The following PIEZO2 variants were observed in gnomAD, a reference collection of about 807,000 sequenced individuals.
PIEZO2 encodes piezo-type mechanosensitive ion channel component 2.
In PIEZO2, 172 loss-of-function variants were observed where a neutral mutation model predicts 337.3. The observed-to-expected ratio is 0.51, with a 90% CI of 0.45 to 0.58. The LOEUF is 0.58. PIEZO2 is among the 20% of genes least tolerant of loss of function. The pLI is 0.00. For missense variants in PIEZO2, 3,028 were observed against 3,391.3 expected, an observed-to-expected ratio of 0.89 and a Z score of 2.66; for synonymous variants, 1,251 against 1,228.5, an observed-to-expected ratio of 1.02 and a Z score of -0.38.
intron 7 of PIEZO2, among the ~76,000 whole-genome samples, chr18:10,839,009 TTACA>T (rs2041108332): frequency 6.6e-6 from 1 of 152,234 alleles, no homozygotes; most frequent in Admixed American, 6.5e-5. Context: ...TTTTAAAGTC[TTACA>T]TAGTCAATAA....
rs2038183747 is a variant in PIEZO2, at chr18:10,762,614, A to G, written c.3135T>C (p.Asn1045=). ...ACTCATTAAAGGGGATGTTTGTTTG[A>G]TTTTCATTTGGCTAAAAAGAAGAGA... is the stretch of plus-strand genomic sequence containing the variant. ...FSVNCSLPNE[N]QTNIPFNELN... The change falls in exon 23 of 56, where the codon AAT becomes AAC. Residue 1045 remains asparagine (N), a synonymous_variant. Coordinates refer to ENST00000674853, the MANE Select transcript of PIEZO2 (RefSeq NM_001378183.1). 6.5e-7 allele frequency: 1 copy of G among 1,536,642 alleles called. No individual in the cohort carries two copies. The highest frequency in any genetic ancestry group is 2.0e-5 in the Admixed American group (1 of 50,792).
chr18:10,760,832 C>T (rs956138183), intron 24 of PIEZO2, 79 bp downstream of exon 24: 7 of 1,204,392 alleles, frequency 5.8e-6, no homozygotes, highest in Non-Finnish European at 8.1e-6. Context: ...TCACAAAGTT[C>T]CAGTGGCCAA....
rs1376052116 is a variant in PIEZO2 at position 10,672,706 on chromosome 18, A to G, written c.8329T>C (p.Phe2777Leu). ...NDKVSPPSLG[F>L]LAGYGIMGLY... The stretch of plus-strand genomic sequence containing the variant: ...AGTCCTTACCCATAGCCAGCCAGGA[A>G]CCCCAGACTTGGGGGACTGACTTTG... The change falls in exon 55 of 56, where the codon TTC becomes CTC. Residue 2777 changes from phenylalanine to leucine, a missense_variant. Phe to Leu is a conservative substitution (Grantham distance 22). Around this residue, in one of 5 missense-constraint regions of PIEZO2, gnomAD observed 332 missense variants for 363.8 expected, o/e 0.91. Coordinates refer to ENST00000674853, the MANE Select transcript of PIEZO2 (RefSeq NM_001378183.1). The surrounding 1 kb of genome is among the most constrained non-coding windows in gnomAD (Gnocchi z 4.7). The G allele has an allele frequency of 6.2e-7, 1 of 1,613,852 alleles. No homozygotes were observed. Among genetic ancestry groups the G allele is most frequent in the East Asian group, 2.2e-5 (1 of 44,866 alleles).
intron 2 of PIEZO2, among the ~76,000 whole-genome samples, chr18:11,012,227 C>T (rs2035932960): frequency 6.6e-6 from 1 of 152,174 alleles, no homozygotes; most frequent in Non-Finnish European, 1.5e-5. Flanking sequence ...TCCATAAGTG[C>T]TCCATTATGA....
chr18:10,879,256 G>A (rs921979788), intron 4 of PIEZO2, among the ~76,000 whole-genome samples: 3 of 152,156 alleles, frequency 2.0e-5, no homozygotes, highest in Non-Finnish European at 4.4e-5. Flanking sequence ...AGACCAATGT[G>A]TCCATTTTCC....
chr18:11,039,662 A>C (rs1313405093), intron 2 of PIEZO2, among the ~76,000 whole-genome samples: 2 of 152,068 alleles, frequency 1.3e-5, no homozygotes, highest in African/African-American at 2.4e-5. Flanking sequence ...ATTATCCTAT[A>C]TCTTTATTGG....
rs186864661 is a variant in PIEZO2 at position 10,885,552 on chromosome 18, A to G, written c.330-14137T>C. Among the ~76,000 whole-genome samples, 62 of 152,302 alleles carry G rather than the reference A, an allele frequency of 4.1e-4. No homozygotes were observed. In the East Asian group the frequency reaches 7.7e-3, roughly 19 times the overall value. On this transcript the variant is annotated intron_variant, in intron 4 of 55. Coordinates refer to ENST00000674853, the MANE Select transcript of PIEZO2 (RefSeq NM_001378183.1). The stretch of plus-strand genomic sequence containing the variant: ...CAGTCTGAAACAACATGATGTGTCC[A>G]TGGGATTATAAGCAAAATGATTTTG...
At chr18:10,701,681 G>A (rs968570847) in intron 43 of PIEZO2, among the ~76,000 whole-genome samples, 2 of 152,164 alleles carry the variant, frequency 1.3e-5, no homozygotes, top group Non-Finnish European at 2.9e-5. Context: ...TTCAAGCAAT[G>A]TTCCACAAAA....
At chr18:10,845,004 T>C (rs1187591774) in intron 7 of PIEZO2, among the ~76,000 whole-genome samples, 2 of 152,156 alleles carry the variant, frequency 1.3e-5, no homozygotes, top group Non-Finnish European at 2.9e-5. Context: ...TATATTTACA[T>C]GTTATTATAG....
rs986339016 is a variant in PIEZO2, at chr18:10,701,750, A to G, written c.6441+239T>C. 3.4e-4 allele frequency: 126 copies of G among 369,742 alleles called. No homozygotes were observed. In the East Asian group the frequency reaches 5.3e-3, roughly 16 times the overall value. 22.9% of individuals were successfully genotyped at this position (369,742 alleles called of 1,614,324 possible). On this transcript the variant is annotated intron_variant, in intron 43 of 55. Transcript: ENST00000674853. The stretch of plus-strand genomic sequence containing the variant: ...GAAACATGGGGAAACATTCTCCCAG[A>G]TTTATTGTAAGTTCCATTATTTAGC...
rs76014761 is a variant in PIEZO2, at chr18:10,824,235, G to C, written c.918-16961C>G. ...AGGGAATAATTTACGAGAGTAGCAA[G>C]AGACAAGTCTCCATAGTCTGTGGGA... On this transcript the variant is annotated intron_variant, in intron 7 of 55. Coordinates refer to ENST00000674853, the MANE Select transcript of PIEZO2 (RefSeq NM_001378183.1). The surrounding 1 kb of genome is among the most constrained non-coding windows in gnomAD (Gnocchi z 4.4). Among the ~76,000 whole-genome samples, 3,370 of 152,224 alleles carry C rather than the reference G, an allele frequency of 0.022. 104 individuals are homozygous for C. Among genetic ancestry groups the C allele is most frequent in the African/African-American group, 0.076 (3,162 of 41,524 alleles).
intron 1 of PIEZO2, among the ~76,000 whole-genome samples, chr18:11,135,883 A>G (rs182220928): frequency 3.3e-5 from 5 of 152,308 alleles, no homozygotes; most frequent in African/African-American, 4.8e-5. Context: ...ATCAACATAG[A>G]TCCCAGAACT....
chr18:10,886,839 A>G lies in PIEZO2; in HGVS notation c.330-15424T>C, dbSNP rs545072327. ...TGTATTAGGCCTTTCTTGTCTTGCT[A>G]TAAAGGAATACCTGAGATTTAATAA... On this transcript the variant is annotated intron_variant, in intron 4 of 55. Coordinates refer to ENST00000674853, the MANE Select transcript of PIEZO2 (RefSeq NM_001378183.1). Among the ~76,000 whole-genome samples the G allele has an allele frequency of 1.6e-4, 24 of 152,034 alleles. No homozygotes were observed. In the South Asian group the frequency reaches 4.6e-3, roughly 29 times the overall value.
rs534913375 is a variant in PIEZO2 at position 10,903,672 on chromosome 18, CA to C, written c.329+7513del. Among the ~76,000 whole-genome samples the C allele has an allele frequency of 2.6e-4, 37 of 144,772 alleles. No homozygotes were observed. The highest frequency in any genetic ancestry group is 4.3e-4 in the South Asian group (2 of 4,602). 95.0% of individuals were successfully genotyped at this position (144,772 alleles called of 152,430 possible). On this transcript the variant is annotated intron_variant, in intron 4 of 55. Coordinates refer to ENST00000674853, the MANE Select transcript of PIEZO2 (RefSeq NM_001378183.1). This position sits in a 1 kb window ranked among gnomAD's most constrained non-coding sequence, Gnocchi z 4.1. ...TGGGCGACAGAGCAAGACTCCATCT[CA>C]AAAAAAAAAAGATTCAAACTTCTTG...
chr18:10,782,075 T>C (rs916629532), intron 17 of PIEZO2, among the ~76,000 whole-genome samples: 13 of 146,538 alleles, frequency 8.9e-5, no homozygotes, highest in African/African-American at 3.0e-4. Context: ...TAAAAATATA[T>C]ATATATATTT....
At position 11,097,183 on chromosome 18, in the gene PIEZO2, G is replaced by A. The variant is rs1308009036; in HGVS notation, c.65-30961C>T. Among the ~76,000 whole-genome samples, 1 of 151,850 alleles carries A rather than the reference G, an allele frequency of 6.6e-6. No individual in the cohort carries two copies. The highest frequency in any genetic ancestry group is 2.4e-5 in the African/African-American group (1 of 41,314). On this transcript the variant is annotated intron_variant, in intron 1 of 55. Transcript: ENST00000674853. The surrounding 1 kb of genome is among the most constrained non-coding windows in gnomAD (Gnocchi z 5.0). ...GGCTAAATCCCGCCCCACAAACTAA[G>A]AATGCTTTTTATATGTTTAAATGAT...
chr18:10,784,757 A>G lies in PIEZO2; in HGVS notation c.2492+27T>C, dbSNP rs948860173. The G allele has an allele frequency of 2.0e-6, 3 of 1,494,904 alleles. No individual in the cohort carries two copies. The highest frequency in any genetic ancestry group is 2.1e-5 in the Admixed American group (1 of 47,738). The allele number at this position is 1,494,904 out of a possible 1,614,324, so 92.6% of individuals were successfully genotyped here. On this transcript the variant is annotated intron_variant, in intron 17 of 55. Transcript: ENST00000674853. The surrounding 1 kb of genome is among the most constrained non-coding windows in gnomAD (Gnocchi z 4.5). ...GAAGAGCTGCCTTCCTGCTAATAAGAGGTCTGTGTTTCTTCCAGTGGCTCA... is the reference window on the plus strand; with the variant it reads ...GAAGAGCTGCCTTCCTGCTAATAAGGGGTCTGTGTTTCTTCCAGTGGCTCA...
At chr18:10,876,777 G>C (rs1466080696) in intron 4 of PIEZO2, among the ~76,000 whole-genome samples, 1 of 152,128 alleles carries the variant, frequency 6.6e-6, no homozygotes, top group Non-Finnish European at 1.5e-5. Flanking sequence ...TGTGTTTGGA[G>C]CCAACACTCA....
At chr18:10,763,407 T>G (rs962512176) in intron 21 of PIEZO2, 1 of 282,066 alleles carries the variant, frequency 3.5e-6, no homozygotes, top group Admixed American at 5.0e-5. Flanking sequence ...CTTGGTCCAA[T>G]GTGGAGGTCA....
Sources: gnomAD v4.1 joint callset for allele counts (sites outside exome capture counted in the v4.1 genomes callset) on GRCh38, gnomAD v4.1.1 for gene constraint, gnomAD v4.1.1 regional missense constraint, Gnocchi (gnomAD v3.1) non-coding constraint, MANE v1.5 for transcripts, NCBI Gene and HGNC (gene_info 2026-07-23, HGNC 2026-07-21) for gene names.